Variants in CELF2 observed in about 807,000 individuals in gnomAD.
CELF2 encodes CUGBP Elav-like family member 2.
In CELF2, 8 loss-of-function variants were observed where a neutral mutation model predicts 62.6. The observed-to-expected ratio is 0.13, with a 90% CI of 0.07 to 0.23. The LOEUF is 0.23. CELF2 is among the 10% of genes least tolerant of loss of function. CELF2 has a pLI of 1.00. For missense variants in CELF2, 333 were observed against 671.0 expected, an observed-to-expected ratio of 0.50 and a Z score of 5.56; for synonymous variants, 258 against 250.0, an observed-to-expected ratio of 1.03 and a Z score of -0.30.
At chr10:10,598,898 A>G in the CELF2 span, among the ~76,000 whole-genome samples, 7 of 150,762 alleles carry the variant, frequency 4.6e-5, no homozygotes, top group Non-Finnish European at 1.0e-4. Flanking sequence ...GATTACAGGC[A>G]TGCACCACCA....
intron 1 of CELF2, among the ~76,000 whole-genome samples, chr10:11,064,499 T>C (rs2067571649): frequency 6.6e-6 from 1 of 152,210 alleles, no homozygotes; most frequent in Non-Finnish European, 1.5e-5. Flanking sequence ...GGAGAAAAAG[T>C]GTTTAACACT....
At chr10:10,725,328 T>A in the CELF2 span, among the ~76,000 whole-genome samples, 6 of 152,308 alleles carry the variant, frequency 3.9e-5, no homozygotes, top group African/African-American at 1.4e-4. Context: ...GACAGGGTGA[T>A]AAACAAACTG....
chr10:10,904,282 A>G (rs2063163296), intron 1 of CELF2, among the ~76,000 whole-genome samples: 1 of 151,234 alleles, frequency 6.6e-6, no homozygotes, highest in Non-Finnish European at 1.5e-5. Flanking sequence ...GCTAGAGTGC[A>G]GTGGTGTGAT....
the CELF2 span, among the ~76,000 whole-genome samples, chr10:10,793,056 C>T: frequency 2.6e-5 from 4 of 152,192 alleles, no homozygotes; most frequent in Non-Finnish European, 4.4e-5. Context: ...CAGACACATA[C>T]GTGGACCCCA....
At chr10:11,248,408 G>A (rs1379599565) in intron 3 of CELF2, among the ~76,000 whole-genome samples, 2 of 151,980 alleles carry the variant, frequency 1.3e-5, no homozygotes, top group South Asian at 2.1e-4. Context: ...ATCAGAAGGT[G>A]TCTCCCTCCC....
At position 10,890,209 on chromosome 10, in the gene CELF2, A is replaced by G. The variant is rs115260581; in HGVS notation, c.54-29755A>G. Among the ~76,000 whole-genome samples, 704 of 152,332 alleles carry G rather than the reference A, an allele frequency of 4.6e-3. 8 individuals carry two copies. Among genetic ancestry groups the G allele is most frequent in the African/African-American group, 0.016 (677 of 41,582 alleles). Reference sequence around the variant, plus strand: ...GATATATCAGGTTTGAAGATGATCTATACAGGTATTGACCAGCTTTCTGGA... The same window carrying G: ...GATATATCAGGTTTGAAGATGATCTGTACAGGTATTGACCAGCTTTCTGGA... On this transcript the variant is annotated intron_variant, in intron 1 of 13. Coordinates refer to the CELF2 transcript ENST00000636488.
At chr10:10,948,539 G>A (rs572085576) in intron 2 of CELF2, 1 of 152,198 alleles carries the variant, frequency 6.6e-6, no homozygotes, top group East Asian at 1.9e-4. Flanking sequence ...ATAAATTTGT[G>A]GGCTTCAATT....
intron 9 of CELF2, among the ~76,000 whole-genome samples, chr10:11,308,486 T>C (rs765554281): frequency 2.6e-4 from 39 of 152,344 alleles, no homozygotes; most frequent in Non-Finnish European, 4.9e-4. Context: ...TCTATCAGTA[T>C]ATCTTCAAGT....
the CELF2 span, among the ~76,000 whole-genome samples, chr10:10,664,549 T>A: frequency 5.3e-5 from 8 of 152,132 alleles, no homozygotes; most frequent in African/African-American, 1.9e-4. Context: ...GAAAGTAGAG[T>A]TTGGGTAAAA....
rs1472468119 is a variant in CELF2, at chr10:11,039,162, T to C, written c.74+20999T>C. 6.6e-6 allele frequency among the ~76,000 whole-genome samples: 1 copy of C among 152,180 alleles called. No homozygotes were observed. The highest frequency in any genetic ancestry group is 1.5e-5 in the Non-Finnish European group (1 of 68,024). On this transcript the variant is annotated intron_variant, in intron 1 of 12. Coordinates refer to ENST00000633077, the MANE Select transcript of CELF2 (RefSeq NM_001326342.2). This position sits in a 1 kb window ranked among gnomAD's most constrained non-coding sequence, Gnocchi z 4.1. ...GCTCTCCTATTAGCGTGGAGGACACTGAGAGCAGAAACCGTGATGCAGTGA... is the reference window on the plus strand; with the variant it reads ...GCTCTCCTATTAGCGTGGAGGACACCGAGAGCAGAAACCGTGATGCAGTGA...
the CELF2 span, among the ~76,000 whole-genome samples, chr10:10,738,552 C>T: frequency 6.6e-6 from 1 of 152,148 alleles, no homozygotes; most frequent in African/African-American, 2.4e-5. Context: ...GCCTCACCAC[C>T]CCAGTCTTTT....
chr10:11,057,163 T>C (rs570945894), intron 1 of CELF2, among the ~76,000 whole-genome samples: 1 of 152,070 alleles, frequency 6.6e-6, no homozygotes, highest in South Asian at 2.1e-4. Flanking sequence ...ATACAACCCC[T>C]GAAAGAACAA....
At chr10:10,966,046 C>A (rs971503853) in intron 2 of CELF2, among the ~76,000 whole-genome samples, 8 of 152,208 alleles carry the variant, frequency 5.3e-5, no homozygotes, top group Non-Finnish European at 1.0e-4. Context: ...AAAGGGAAAA[C>A]TTTAGGATTT....
the CELF2 span, among the ~76,000 whole-genome samples, chr10:10,751,464 A>C: frequency 6.6e-6 from 1 of 152,356 alleles, no homozygotes; most frequent in Non-Finnish European, 1.5e-5. Flanking sequence ...CTTAAGGGGC[A>C]AAATAGACCA....
At chr10:11,197,026 A>AAGAAAGAAAG in intron 2 of CELF2, among the ~76,000 whole-genome samples, 1 of 1,610 alleles carries the variant, frequency 6.2e-4, no homozygotes, top group African/African-American at 8.0e-4. Context: ...GAAAGAAAGA[A>AAGAAAGAAAG]AAGAAAGAAA....
chr10:10,582,520 A>G, the CELF2 span, among the ~76,000 whole-genome samples: 1 of 152,176 alleles, frequency 6.6e-6, no homozygotes, highest in Admixed American at 6.5e-5. Flanking sequence ...TTCATTATCT[A>G]GATTTTTTAT....
the CELF2 span, among the ~76,000 whole-genome samples, chr10:10,644,950 G>T: frequency 1.3e-5 from 2 of 152,128 alleles, no homozygotes; most frequent in Non-Finnish European, 2.9e-5. Flanking sequence ...ACAACTGTAC[G>T]TCAAGGCACT....
rs547553153 is a variant in CELF2 at position 11,077,284 on chromosome 10, T to C, written c.74+59121T>C. Among the ~76,000 whole-genome samples the C allele has an allele frequency of 2.0e-5, 3 of 152,176 alleles. No homozygotes were observed. The East Asian group carries it at 5.8e-4, about 29-fold the overall frequency. On this transcript the variant is annotated intron_variant, in intron 1 of 12. Coordinates refer to ENST00000633077, the MANE Select transcript of CELF2 (RefSeq NM_001326342.2). The stretch of plus-strand genomic sequence containing the variant: ...AAACCCCAGCAAAAGGCTTTGAGTT[T>C]GGGTGCTTTTATAATGACCACCATT...
At chr10:11,093,557 C>G (rs1463895651) in intron 1 of CELF2, among the ~76,000 whole-genome samples, 3 of 152,196 alleles carry the variant, frequency 2.0e-5, no homozygotes, top group African/African-American at 7.2e-5. Flanking sequence ...TCACTACCTT[C>G]AAGTCATCAA....
Sources: gnomAD v4.1 joint callset for allele counts (sites outside exome capture counted in the v4.1 genomes callset) on GRCh38, gnomAD v4.1.1 for gene constraint, Gnocchi (gnomAD v3.1) non-coding constraint, MANE v1.5 for transcripts, NCBI Gene and HGNC (gene_info 2026-07-23, HGNC 2026-07-21) for gene names.